CEP72: variants seen among roughly 807,000 people sequenced by gnomAD.
CEP72 encodes centrosomal protein of 72 kDa.
In CEP72, 78 loss-of-function variants were observed where a neutral mutation model predicts 65.7. That is an observed-to-expected ratio of 1.19 (90% CI 0.99 to 1.43). The LOEUF is 1.43. Among genes scored for constraint, CEP72 ranks in the 40% most tolerant of loss-of-function variants. CEP72 has a pLI of 0.00. For synonymous variants in CEP72, 358 were observed against 351.7 expected (o/e 1.02, Z -0.20); for missense variants, 914 against 832.9 (o/e 1.10, Z -1.20).
chr5:652,838 CAG>C (rs1739195369), intron 11 of CEP72, 148 bp from the exon 12 acceptor site: 2 of 856,764 alleles, frequency 2.3e-6, no homozygotes, highest in Non-Finnish European at 3.4e-6. Context: ...CAGTGGGACA[CAG>C]AAGGTGATGG....
chr5:651,729 G>T (rs556745094), intron 11 of CEP72, among the ~76,000 whole-genome samples: 2 of 152,106 alleles, frequency 1.3e-5, no homozygotes, highest in African/African-American at 4.8e-5. Flanking sequence ...AGGACAGGTC[G>T]CTCTGGGCAG....
chr5:668,060 A>G (rs369346382), downstream of CEP72, among the ~76,000 whole-genome samples: 4 of 31,152 alleles, frequency 1.3e-4, no homozygotes, highest in Admixed American at 7.2e-4. Flanking sequence ...TCAGGGAAGT[A>G]CCGACAAGCA....
chr5:654,475 G>A (rs143971897), downstream of CEP72, among the ~76,000 whole-genome samples: 927 of 152,238 alleles, frequency 6.1e-3, 31 homozygotes, highest in Admixed American at 0.051. Flanking sequence ...GTGTGTGTGC[G>A]TGTGGATTGT....
intron 3 of CEP72, chr5:665,929 C>T (rs768015782): frequency 1.2e-6 from 1 of 837,196 alleles, no homozygotes; most frequent in Non-Finnish European, 1.6e-6. Flanking sequence ...GCCCCGCCCC[C>T]ACCCCCTCCA....
chr5:669,610 C>A (rs1283630999), downstream of CEP72, among the ~76,000 whole-genome samples: 2 of 152,150 alleles, frequency 1.3e-5, 1 homozygote, highest in South Asian at 4.1e-4. Flanking sequence ...GCACGCAGCC[C>A]TTTCTGACGG....
intron 11 of CEP72, among the ~76,000 whole-genome samples, chr5:651,055 G>GGC (rs1739019961): frequency 1.1e-5 from 1 of 87,240 alleles, no homozygotes; most frequent in African/African-American, 6.0e-5. Flanking sequence ...GTGACTGTGA[G>GGC]GTGTGGACTG....
At chr5:647,659 T>G in intron 10 of CEP72, 146 bp from the exon 11 acceptor site, 1 of 617,788 alleles carries the variant, frequency 1.6e-6, no homozygotes, top group Non-Finnish European at 2.9e-6. Flanking sequence ...CGCCCTGTCT[T>G]TGAGTCTCAT....
rs775266850 is a variant in CEP72, at chr5:644,387, G to C, written c.1628G>C (p.Ser543Thr). The change falls in exon 10 of 12, where the codon AGT becomes ACT. Residue 543 changes from serine to threonine, a missense_variant. By Grantham distance (58) the Ser-to-Thr change is moderately conservative. Coordinates refer to ENST00000264935, the MANE Select transcript of CEP72 (RefSeq NM_018140.4). ...LLLSMKKEVKSADTAATLNLQ... is the reference protein window; with the variant it reads ...LLLSMKKEVKTADTAATLNLQ... ...TTGAGTATGAAAAAGGAAGTGAAGAGTGCAGACACTGCAGCCACGTTAAAT... is the reference window on the plus strand; with the variant it reads ...TTGAGTATGAAAAAGGAAGTGAAGACTGCAGACACTGCAGCCACGTTAAAT... 1 of 1,613,976 alleles carries C rather than the reference G, an allele frequency of 6.2e-7. No individual in the cohort carries two copies. Among genetic ancestry groups the C allele is most frequent in the Admixed American group, 1.7e-5 (1 of 60,030 alleles).
intron 3 of CEP72, among the ~76,000 whole-genome samples, chr5:620,619 A>G (rs1464842375): frequency 2.6e-5 from 4 of 152,208 alleles, no homozygotes; most frequent in Admixed American, 6.5e-5. Flanking sequence ...CCCAGGTATC[A>G]TCTCAGGTGC....
intron 5 of CEP72, among the ~76,000 whole-genome samples, chr5:634,264 C>T (rs970622745): frequency 6.6e-6 from 1 of 152,226 alleles, no homozygotes; most frequent in South Asian, 2.1e-4. Context: ...CTGACATCTG[C>T]GGCAGCTGCA....
intron 3 of CEP72, among the ~76,000 whole-genome samples, chr5:621,258 A>G (rs1241600263): frequency 2.0e-5 from 3 of 152,198 alleles, no homozygotes; most frequent in Non-Finnish European, 2.9e-5. Context: ...CTTATCAAAA[A>G]CAAAAGAATC....
intron 5 of CEP72, 128 bp from the exon 6 acceptor site, chr5:635,244 C>G: frequency 1.4e-6 from 1 of 693,892 alleles, no homozygotes. Context: ...TTCAGTGTCA[C>G]CCAGCACGTG....
chr5:668,445 T>C (rs1158459935), downstream of CEP72, among the ~76,000 whole-genome samples: 1 of 126,354 alleles, frequency 7.9e-6, no homozygotes, highest in Non-Finnish European at 1.8e-5. Context: ...GTCAGGGAAG[T>C]GCGGACAAGC....
Position 620,271 on chromosome 5 carries a change from A to C in CEP72, c.403+10A>C. On this transcript the variant is annotated intron_variant, in intron 3 of 11. Transcript: ENST00000264935. ...AAGCTCCAGCAGCTGGGTAGGCATCAGGCAGGGCCACGCTCATGCTTTTGT... is the reference window on the plus strand; with the variant it reads ...AAGCTCCAGCAGCTGGGTAGGCATCCGGCAGGGCCACGCTCATGCTTTTGT... 6.8e-6 allele frequency: 11 copies of C among 1,611,148 alleles called. No homozygotes were observed. The highest frequency in any genetic ancestry group is 9.3e-6 in the Non-Finnish European group (11 of 1,177,438).
At chr5:621,750 CAT>C (rs762644834) in intron 3 of CEP72, among the ~76,000 whole-genome samples, 8 of 152,206 alleles carry the variant, frequency 5.3e-5, no homozygotes, top group Non-Finnish European at 8.8e-5. Context: ...TGTGATCACA[CAT>C]GTGTTTGTAT....
At chr5:658,256 C>T (rs550005145), downstream of CEP72, among the ~76,000 whole-genome samples, 44 of 152,344 alleles carry the variant, frequency 2.9e-4, no homozygotes, top group African/African-American at 1.0e-3. Flanking sequence ...GCAGCTGCAG[C>T]CAGTGTCCAA....
At chr5:669,835 T>C (rs1031034419), downstream of CEP72, among the ~76,000 whole-genome samples, 2 of 152,082 alleles carry the variant, frequency 1.3e-5, no homozygotes, top group Admixed American at 1.3e-4. Flanking sequence ...TCAGGAGTTC[T>C]AGGACAGCGG....
intron 4 of CEP72, among the ~76,000 whole-genome samples, chr5:630,005 T>TA (rs1195385650): frequency 3.1e-4 from 7 of 22,550 alleles, no homozygotes; most frequent in Admixed American, 4.2e-4. Context: ...TGCTGGGATT[T>TA]GACCCAGTCC....
At chr5:614,906 A>C (rs1289236838) in intron 1 of CEP72, among the ~76,000 whole-genome samples, 1 of 152,046 alleles carries the variant, frequency 6.6e-6, no homozygotes, top group African/African-American at 2.4e-5. Flanking sequence ...TATCAATTAG[A>C]TCCTGTTGGT....
Sources: gnomAD v4.1 joint callset for allele counts (sites outside exome capture counted in the v4.1 genomes callset) on GRCh38, gnomAD v4.1.1 for gene constraint, MANE v1.5 for transcripts, NCBI Gene and HGNC (gene_info 2026-07-23, HGNC 2026-07-21) for gene names.